TOX3: variants seen among roughly 807,000 people sequenced by gnomAD.
TOX3 encodes the protein TOX high mobility group box family member 3.
A neutral mutation model predicts 64.3 loss-of-function variants in TOX3; 22 were observed. The ratio of observed to expected loss-of-function variants is 0.34; its 90% CI spans 0.24 to 0.49. The LOEUF is 0.49. Among genes scored for constraint, TOX3 ranks in the 20% least tolerant of loss-of-function variants. The pLI is 0.99. For missense variants in TOX3, 661 were observed against 714.4 expected (o/e 0.93, Z 0.85); for synonymous variants, 291 against 273.6 (o/e 1.06, Z -0.63).
In TOX3 at chr16:52,510,322, G is replaced by A. The variant is rs539557237; in HGVS notation, c.87+36315C>T. ...AGAGAAATGAATCAAAGTAATATTT[G>A]GGACCAGGGTCTTACAAATCTAGAG... On this transcript the variant is annotated intron_variant, in intron 1 of 6. Transcript: ENST00000219746. Among the ~76,000 whole-genome samples the A allele has an allele frequency of 2.6e-5, 4 of 152,224 alleles. No homozygotes were observed. The East Asian group carries it at 7.7e-4, about 29-fold the overall frequency.
chr16:52,491,043 C>G (rs1387063675), intron 1 of TOX3, among the ~76,000 whole-genome samples: 3 of 152,136 alleles, frequency 2.0e-5, no homozygotes, highest in African/African-American at 7.2e-5. Context: ...ATGTCACTGT[C>G]AGGGTTAAAA....
At chr16:52,536,056 T>C (rs938132137) in intron 1 of TOX3, among the ~76,000 whole-genome samples, 1 of 152,200 alleles carries the variant, frequency 6.6e-6, no homozygotes, top group South Asian at 2.1e-4. Flanking sequence ...AGTATTTTTA[T>C]TCATCTCTAG....
chr16:52,463,089 G>A (rs78047459), intron 3 of TOX3, among the ~76,000 whole-genome samples: 5,440 of 152,146 alleles, frequency 0.036, 129 homozygotes, highest in East Asian at 0.095. Context: ...ATGTAAACAA[G>A]CAAGAGGATT....
chr16:52,483,318 G>A (rs1961416213), intron 1 of TOX3, among the ~76,000 whole-genome samples: 1 of 152,084 alleles, frequency 6.6e-6, no homozygotes, highest in Non-Finnish European at 1.5e-5. Flanking sequence ...ATTCCCCAAG[G>A]AAAAATAAAC....
intron 1 of TOX3, among the ~76,000 whole-genome samples, chr16:52,542,307 C>A (rs941679804): frequency 3.3e-5 from 5 of 152,124 alleles, no homozygotes; most frequent in Non-Finnish European, 7.4e-5. Flanking sequence ...TGCATGTAAA[C>A]CATAAATGAC....
At chr16:52,463,124 T>C (rs539980068) in intron 3 of TOX3, among the ~76,000 whole-genome samples, 320 of 152,316 alleles carry the variant, frequency 2.1e-3, no homozygotes, top group South Asian at 4.8e-3. Flanking sequence ...CCAACACATC[T>C]GTTTCATTTT....
chr16:52,536,362 G>A (rs1050941620), intron 1 of TOX3, among the ~76,000 whole-genome samples: 2 of 151,670 alleles, frequency 1.3e-5, no homozygotes, highest in Non-Finnish European at 2.9e-5. Flanking sequence ...TCAGACATAG[G>A]TGCTGAGAAG....
At position 52,459,737 on chromosome 16, in the gene TOX3, C is replaced by T. The variant is rs866550083; in HGVS notation, c.408+4197G>A. Among the ~76,000 whole-genome samples the T allele has an allele frequency of 7.9e-5, 12 of 152,126 alleles. 1 individual carries two copies. The highest frequency in any genetic ancestry group is 6.8e-3 in the Middle Eastern group (2 of 294). ...AACACATTAATGACCCATGAAATAA[C>T]GGCTTTATCTGTAACACATTAAGCA... On this transcript the variant is annotated intron_variant, in intron 3 of 6. Transcript: ENST00000219746.
Position 52,463,962 on chromosome 16 carries a change from C to G in TOX3, c.380G>C (p.Gly127Ala), listed in dbSNP as rs1419407796. The G allele has an allele frequency of 6.3e-7, 1 of 1,578,506 alleles. No homozygotes were observed. The highest frequency in any genetic ancestry group is 1.2e-5 in the South Asian group (1 of 85,412). Residue 127 changes from glycine (G) to alanine (A), a missense_variant, in exon 3 of 7, where the codon GGC becomes GCC. Gly to Ala is a moderately conservative substitution (Grantham distance 60, BLOSUM62 0). Transcript: ENST00000219746. ...ATGCAACCCACTGCTATGAAGCACG[C>G]CATCTTGTTCCACGAGATTTCTTGA... Reference protein sequence around the residue: ...TISRNLVEQDGVLHSSGLHMD... With the variant: ...TISRNLVEQDAVLHSSGLHMD...
chr16:52,502,930 A>G (rs974406075), intron 1 of TOX3, among the ~76,000 whole-genome samples: 2 of 152,192 alleles, frequency 1.3e-5, no homozygotes, highest in African/African-American at 4.8e-5. Context: ...TCATCCACAG[A>G]CACACTGCAA....
chr16:52,527,141 C>A (rs372662007), intron 1 of TOX3, among the ~76,000 whole-genome samples: 44 of 152,048 alleles, frequency 2.9e-4, no homozygotes, highest in African/African-American at 1.0e-3. Context: ...GACTTCAGAG[C>A]TTGAGGTTCA....
intron 1 of TOX3, among the ~76,000 whole-genome samples, chr16:52,529,245 T>G (rs1962794510): frequency 6.6e-6 from 1 of 152,218 alleles, no homozygotes; most frequent in Non-Finnish European, 1.5e-5. Context: ...CCATAAGAAA[T>G]AAATTCTAGC....
At chr16:52,445,295 T>C (rs186502406) in intron 5 of TOX3, 6 of 152,226 alleles carry the variant, frequency 3.9e-5, no homozygotes, top group African/African-American at 1.4e-4. Flanking sequence ...TCATAGGAGT[T>C]GATCTATTCT....
chr16:52,531,302 A>G (rs1676282193), intron 1 of TOX3, among the ~76,000 whole-genome samples: 1 of 152,218 alleles, frequency 6.6e-6, no homozygotes, highest in African/African-American at 2.4e-5. Flanking sequence ...GTGCTGATCT[A>G]TTACCACTGC....
At chr16:52,493,376 T>C (rs1961751067) in intron 1 of TOX3, among the ~76,000 whole-genome samples, 1 of 152,152 alleles carries the variant, frequency 6.6e-6, no homozygotes, top group Non-Finnish European at 1.5e-5. Context: ...CAATTTTTAA[T>C]CGAGTTCAGC....
chr16:52,508,901 T>C (rs1013063859), intron 1 of TOX3, among the ~76,000 whole-genome samples: 3 of 152,092 alleles, frequency 2.0e-5, no homozygotes, highest in East Asian at 3.9e-4. Flanking sequence ...TAAAATGCAA[T>C]AAAAAAGTGT....
intron 1 of TOX3, among the ~76,000 whole-genome samples, chr16:52,477,457 A>C (rs1360382355): frequency 6.6e-6 from 1 of 152,172 alleles, no homozygotes; most frequent in Non-Finnish European, 1.5e-5. Context: ...TGCCAAGGAG[A>C]CCAGTGAAGA....
At chr16:52,524,843 C>T (rs1962690615) in intron 1 of TOX3, among the ~76,000 whole-genome samples, 1 of 152,104 alleles carries the variant, frequency 6.6e-6, no homozygotes, top group African/African-American at 2.4e-5. Flanking sequence ...TATTTTCTGC[C>T]TTTTCACAAC....
intron 1 of TOX3, among the ~76,000 whole-genome samples, chr16:52,472,598 A>G (rs530581857): frequency 7.9e-5 from 12 of 152,338 alleles, no homozygotes; most frequent in African/African-American, 2.6e-4. Flanking sequence ...ATGTCCCCTC[A>G]AAGATCCCCT....
Sources: gnomAD v4.1 joint callset for allele counts (sites outside exome capture counted in the v4.1 genomes callset) on GRCh38, gnomAD v4.1.1 for gene constraint, MANE v1.5 for transcripts, NCBI Gene and HGNC (gene_info 2026-07-23, HGNC 2026-07-21) for gene names.